SNTG1: variants seen among roughly 807,000 people sequenced by gnomAD.
The protein encoded by SNTG1 is syntrophin gamma 1, also known as gamma-1-syntrophin.
Under a neutral mutation model 74.7 loss-of-function variants are expected in SNTG1, and 39 were observed. The observed-to-expected ratio is 0.52, with a 90% CI of 0.40 to 0.68. SNTG1 has a LOEUF of 0.68. SNTG1 is among the 30% of genes least tolerant of loss of function. SNTG1 has a pLI of 0.00. For synonymous variants in SNTG1, 254 were observed against 217.1 expected (o/e 1.17, Z -1.49); for missense variants, 685 against 609.5 (o/e 1.12, Z -1.30).
At chr8:50,572,836 G>GC (rs2094556701) in intron 12 of SNTG1, among the ~76,000 whole-genome samples, 1 of 152,026 alleles carries the variant, frequency 6.6e-6, no homozygotes, top group African/African-American at 2.4e-5. Flanking sequence ...TTGTTAAATA[G>GC]CATTGGCCAC....
At chr8:50,415,152 C>G (rs2092998890) in intron 4 of SNTG1, among the ~76,000 whole-genome samples, 1 of 152,030 alleles carries the variant, frequency 6.6e-6, no homozygotes, top group South Asian at 2.1e-4. Context: ...CGTGAGTGAA[C>G]AAATGTTGTT....
In SNTG1 at chr8:50,193,508, A is replaced by G. The variant is rs563242573; in HGVS notation, c.-28+20873A>G. On this transcript the variant is annotated intron_variant, in intron 2 of 18. Coordinates refer to ENST00000642720, the MANE Select transcript of SNTG1 (RefSeq NM_018967.5). ...GTATATAGAAGAGCTACTGATTTGT[A>G]TACATTAATCTTGTATCTGGAAACT... Among the ~76,000 whole-genome samples the G allele has an allele frequency of 7.2e-4, 110 of 152,192 alleles. 2 individuals are homozygous for G. The highest frequency in any genetic ancestry group is 2.6e-3 in the African/African-American group (108 of 41,538).
intron 1 of SNTG1, among the ~76,000 whole-genome samples, chr8:49,967,848 C>T (rs1466589887): frequency 6.6e-6 from 1 of 152,196 alleles, no homozygotes; most frequent in Non-Finnish European, 1.5e-5. Context: ...CTTATTACAT[C>T]TCGCTACTGA....
chr8:50,449,520 C>A (rs992428231), intron 5 of SNTG1, 148 bp from the exon 6 acceptor site: 14 of 484,450 alleles, frequency 2.9e-5, no homozygotes, highest in African/African-American at 2.8e-4. Flanking sequence ...CATGGGAGCA[C>A]TATCTACTTA....
chr8:50,656,461 A>G (rs1466433672), intron 13 of SNTG1, among the ~76,000 whole-genome samples: 1 of 152,184 alleles, frequency 6.6e-6, no homozygotes, highest in African/African-American at 2.4e-5. Flanking sequence ...GTGCCGCCCT[A>G]GTGGTATTGC....
chr8:50,365,422 A>T (rs1167460882), intron 2 of SNTG1, among the ~76,000 whole-genome samples: 1 of 152,098 alleles, frequency 6.6e-6, no homozygotes, highest in Non-Finnish European at 1.5e-5. Context: ...GTAATATACA[A>T]ATATGTTTAT....
intron 3 of SNTG1, among the ~76,000 whole-genome samples, chr8:50,401,055 T>C (rs1419758557): frequency 6.6e-6 from 1 of 152,172 alleles, no homozygotes; most frequent in Non-Finnish European, 1.5e-5. Flanking sequence ...AACCTCACAT[T>C]GTTTGCCATG....
intron 3 of SNTG1, among the ~76,000 whole-genome samples, chr8:50,397,548 T>G (rs2092743152): frequency 6.6e-6 from 1 of 152,182 alleles, no homozygotes; most frequent in African/African-American, 2.4e-5. Flanking sequence ...TTGGGGAAGA[T>G]CATCCTGTAA....
intron 1 of SNTG1, among the ~76,000 whole-genome samples, chr8:49,927,184 A>G (rs1282399045): frequency 2.0e-5 from 3 of 152,212 alleles, no homozygotes. Flanking sequence ...CACGTGGAAT[A>G]CAGTTGGGGA....
chr8:50,322,916 G>A (rs1413739034), intron 2 of SNTG1, among the ~76,000 whole-genome samples: 1 of 151,732 alleles, frequency 6.6e-6, no homozygotes, highest in East Asian at 2.0e-4. Flanking sequence ...AGGAGTTTGA[G>A]ACCAGCCTGG....
At chr8:50,778,241 T>C (rs948920562) in intron 18 of SNTG1, among the ~76,000 whole-genome samples, 2 of 152,164 alleles carry the variant, frequency 1.3e-5, no homozygotes, top group African/African-American at 4.8e-5. Flanking sequence ...CTGGGTCAAA[T>C]GGTATTTCCA....
At chr8:50,186,137 G>A (rs2083374774) in intron 2 of SNTG1, among the ~76,000 whole-genome samples, 1 of 152,094 alleles carries the variant, frequency 6.6e-6, no homozygotes, top group South Asian at 2.1e-4. Context: ...TGAGGATGAT[G>A]GCTGCCAGCT....
At chr8:50,067,615 T>G (rs909741976) in intron 1 of SNTG1, among the ~76,000 whole-genome samples, 15 of 152,188 alleles carry the variant, frequency 9.9e-5, no homozygotes, top group Admixed American at 3.3e-4. Flanking sequence ...CAAAATATAG[T>G]TAGGTAGTTA....
chr8:50,781,489 G>C (rs1439790144), intron 18 of SNTG1, among the ~76,000 whole-genome samples: 8 of 151,878 alleles, frequency 5.3e-5, no homozygotes, highest in Non-Finnish European at 1.0e-4. Context: ...GATCTTTGTT[G>C]GTTTAAAGTC....
At chr8:50,151,473 G>A (rs2082067540) in intron 1 of SNTG1, among the ~76,000 whole-genome samples, 1 of 151,786 alleles carries the variant, frequency 6.6e-6, no homozygotes, top group Non-Finnish European at 1.5e-5. Context: ...GTTTCCTCTT[G>A]CTTCTCTAGT....
intron 2 of SNTG1, among the ~76,000 whole-genome samples, chr8:50,300,019 G>C (rs866271967): frequency 2.0e-5 from 3 of 152,150 alleles, no homozygotes; most frequent in Middle Eastern, 3.4e-3. Context: ...AATTATTATA[G>C]CACTTATAAT....
intron 2 of SNTG1, among the ~76,000 whole-genome samples, chr8:50,295,480 G>T (rs1286355260): frequency 6.6e-6 from 1 of 152,090 alleles, no homozygotes; most frequent in Admixed American, 6.6e-5. Context: ...TATCCAAACA[G>T]AGCAGTGTTT....
chr8:50,330,901 C>T (rs2090939093), intron 2 of SNTG1, among the ~76,000 whole-genome samples: 1 of 152,168 alleles, frequency 6.6e-6, no homozygotes, highest in Non-Finnish European at 1.5e-5. Context: ...CAACCACCTC[C>T]CTCCCTTGAC....
intron 1 of SNTG1, among the ~76,000 whole-genome samples, chr8:50,101,020 G>C (rs1299209914): frequency 6.6e-6 from 1 of 152,070 alleles, no homozygotes; most frequent in African/African-American, 2.4e-5. Context: ...TTATAAACAA[G>C]AACATATGGT....
Sources: gnomAD v4.1 joint callset for allele counts (sites outside exome capture counted in the v4.1 genomes callset) on GRCh38, gnomAD v4.1.1 for gene constraint, MANE v1.5 for transcripts, NCBI Gene and HGNC (gene_info 2026-07-23, HGNC 2026-07-21) for gene names.